Variants in FGGY observed in about 807,000 individuals in gnomAD.
The protein encoded by FGGY is FGGY carbohydrate kinase domain-containing protein.
FGGY carries 72 observed loss-of-function variants against 71.3 expected under a neutral mutation model. The ratio of observed to expected loss-of-function variants is 1.01; its 90% CI spans 0.84 to 1.23. The LOEUF (loss-of-function observed/expected upper bound fraction) is 1.23. Among genes scored for constraint, FGGY ranks in the 50% most tolerant of loss-of-function variants. The pLI is 0.00. For missense variants in FGGY, 668 were observed against 682.3 expected (o/e 0.98, Z 0.23); for synonymous variants, 251 against 250.3 (o/e 1.00, Z -0.02).
chr1:59,478,463 T>G (rs1477340602), intron 6 of FGGY, among the ~76,000 whole-genome samples: 1 of 152,232 alleles, frequency 6.6e-6, no homozygotes, highest in East Asian at 1.9e-4. Flanking sequence ...TGCCTACTAG[T>G]TATAAGCTGT....
intron 7 of FGGY, among the ~76,000 whole-genome samples, chr1:59,530,403 A>G (rs2095109128): frequency 6.6e-6 from 1 of 152,236 alleles, no homozygotes; most frequent in African/African-American, 2.4e-5. Flanking sequence ...GCTAGGTACT[A>G]AAGATATAAA....
chr1:59,346,060 C>T (rs889479322), intron 3 of FGGY, among the ~76,000 whole-genome samples, 187 bp from the exon 4 acceptor site: 4 of 152,110 alleles, frequency 2.6e-5, no homozygotes, highest in South Asian at 2.1e-4. Flanking sequence ...CATGACTGGA[C>T]GGGAAATTCC....
At chr1:59,434,792 C>A (rs556857242) in intron 5 of FGGY, among the ~76,000 whole-genome samples, 5 of 152,144 alleles carry the variant, frequency 3.3e-5, no homozygotes, top group African/African-American at 4.8e-5. Flanking sequence ...AAGCCCCCCC[C>A]ACCTCCAAAT....
intron 6 of FGGY, among the ~76,000 whole-genome samples, chr1:59,465,051 G>A (rs553713449): frequency 5.3e-5 from 8 of 152,228 alleles, no homozygotes; most frequent in African/African-American, 1.9e-4. Flanking sequence ...CCTGGCAGAA[G>A]CACAACAAAA....
At chr1:59,435,764 G>GTT (rs2153467854) in intron 5 of FGGY, among the ~76,000 whole-genome samples, 1 of 151,654 alleles carries the variant, frequency 6.6e-6, no homozygotes, top group Admixed American at 6.6e-5. Flanking sequence ...GTGTGTGTGT[G>GTT]TGTGTGTGTG....
chr1:59,588,393 T>C (rs1453055710), intron 8 of FGGY, among the ~76,000 whole-genome samples: 3 of 151,872 alleles, frequency 2.0e-5, no homozygotes, highest in East Asian at 1.9e-4. Flanking sequence ...CAGGAGAACT[T>C]CCCCAATCTA....
chr1:59,584,907 C>G (rs907838447), intron 8 of FGGY, among the ~76,000 whole-genome samples: 1 of 138,928 alleles, frequency 7.2e-6, no homozygotes, highest in African/African-American at 3.1e-5. Flanking sequence ...CTTGAGTGAA[C>G]TCCCATTCAC....
At chr1:59,343,562 T>C (rs750762761) in intron 3 of FGGY, among the ~76,000 whole-genome samples, 1 of 152,174 alleles carries the variant, frequency 6.6e-6, no homozygotes, top group Admixed American at 6.6e-5. Flanking sequence ...ACACACAGTA[T>C]AGACTCTTTC....
At chr1:59,456,745 GC>G (rs1428503240) in intron 5 of FGGY, among the ~76,000 whole-genome samples, 1 of 152,216 alleles carries the variant, frequency 6.6e-6, no homozygotes, top group Non-Finnish European at 1.5e-5. Flanking sequence ...ACTGTGCCCA[GC>G]CAGGGCTGAG....
intron 8 of FGGY, among the ~76,000 whole-genome samples, chr1:59,589,518 A>G (rs2096384088): frequency 6.6e-6 from 1 of 152,198 alleles, no homozygotes; most frequent in Non-Finnish European, 1.5e-5. Flanking sequence ...CTATTCCAAA[A>G]TTGACCACAT....
chr1:59,586,368 G>A (rs539418440), intron 8 of FGGY, among the ~76,000 whole-genome samples: 4 of 152,296 alleles, frequency 2.6e-5, no homozygotes, highest in South Asian at 2.1e-4. Context: ...GGACATGGAT[G>A]AAGCTGGAAA....
chr1:59,309,891 A>G (rs2043991652), intron 1 of FGGY: 1 of 151,734 alleles, frequency 6.6e-6, no homozygotes, highest in Admixed American at 6.6e-5. Flanking sequence ...GAGGCAAGAG[A>G]ATTGCTTGAA....
intron 7 of FGGY, among the ~76,000 whole-genome samples, chr1:59,521,301 A>G (rs1231202158): frequency 6.6e-6 from 1 of 152,146 alleles, no homozygotes; most frequent in Non-Finnish European, 1.5e-5. Context: ...GGCAGAGAGC[A>G]TACGTGGGGG....
chr1:59,368,923 C>T (rs988195439), intron 4 of FGGY, among the ~76,000 whole-genome samples: 42 of 151,916 alleles, frequency 2.8e-4, no homozygotes, highest in African/African-American at 8.9e-4. Flanking sequence ...AGCCCTGTCT[C>T]GGGGAGGAGC....
At chr1:59,695,968 A>G (rs1283526025) in intron 14 of FGGY, among the ~76,000 whole-genome samples, 1 of 152,174 alleles carries the variant, frequency 6.6e-6, no homozygotes, top group Non-Finnish European at 1.5e-5. Context: ...AAAACTTTCT[A>G]ACCATATGTC....
intron 7 of FGGY, among the ~76,000 whole-genome samples, chr1:59,520,044 A>G (rs986624090): frequency 6.6e-6 from 1 of 152,190 alleles, no homozygotes; most frequent in African/African-American, 2.4e-5. Context: ...AACACCTTAC[A>G]ATGCCCAGGC....
intron 9 of FGGY, among the ~76,000 whole-genome samples, chr1:59,613,518 A>T (rs1002758896): frequency 6.6e-6 from 1 of 152,216 alleles, no homozygotes; most frequent in Non-Finnish European, 1.5e-5. Flanking sequence ...GGAAATTTAT[A>T]GCACTAAATG....
chr1:59,572,732 T>G (rs944129704), intron 8 of FGGY, among the ~76,000 whole-genome samples: 5 of 152,112 alleles, frequency 3.3e-5, no homozygotes, highest in African/African-American at 1.2e-4. Context: ...GTGTGAAAAC[T>G]GTTGAGGCTG....
At chr1:59,534,754 T>A (rs1377750023) in intron 7 of FGGY, among the ~76,000 whole-genome samples, 1 of 151,184 alleles carries the variant, frequency 6.6e-6, no homozygotes, top group Admixed American at 6.6e-5. Context: ...GAAGGAGAAA[T>A]AAAATACTTT....
Sources: allele counts gnomAD v4.1 joint callset (sites outside exome capture counted in the v4.1 genomes callset), GRCh38; gene constraint gnomAD v4.1.1; transcripts MANE v1.5; gene names NCBI Gene and HGNC (gene_info 2026-07-23, HGNC 2026-07-21).